Variants in ST18 observed in about 807,000 individuals in gnomAD.
ST18 encodes suppression of tumorigenicity 18 protein.
Under a neutral mutation model 110.0 loss-of-function variants are expected in ST18, and 50 were observed. That is an observed-to-expected ratio of 0.45 (90% CI 0.36 to 0.58). The LOEUF (loss-of-function observed/expected upper bound fraction) is 0.58, where lower values mean the gene tolerates loss of function less well. Ranked by LOEUF, ST18 falls within the 20% of genes least tolerant of loss-of-function variation. ST18 has a pLI of 0.00. For synonymous variants in ST18, 461 were observed against 452.4 expected (o/e 1.02, Z -0.24); for missense variants, 1,306 against 1,280.1 (o/e 1.02, Z -0.31).
At chr8:52,231,194 C>A (rs2091245415) in intron 2 of ST18, among the ~76,000 whole-genome samples, 1 of 152,148 alleles carries the variant, frequency 6.6e-6, no homozygotes, top group Non-Finnish European at 1.5e-5. Context: ...GATAATAGCT[C>A]TTTTATCTAT....
chr8:52,176,515 C>T (rs548954035), intron 9 of ST18, among the ~76,000 whole-genome samples: 2 of 152,236 alleles, frequency 1.3e-5, no homozygotes, highest in Non-Finnish European at 2.9e-5. Flanking sequence ...AGTGAGCAGA[C>T]TGTTCGCTGG....
At chr8:52,189,625 C>T (rs541171603) in intron 8 of ST18, among the ~76,000 whole-genome samples, 2 of 152,312 alleles carry the variant, frequency 1.3e-5, no homozygotes, top group East Asian at 1.9e-4. Flanking sequence ...TCCCTAGTCT[C>T]TTTTCTTAAG....
intron 2 of ST18, among the ~76,000 whole-genome samples, chr8:52,265,488 A>G (rs1459737648): frequency 2.0e-5 from 3 of 152,262 alleles, no homozygotes; most frequent in African/African-American, 2.4e-5. Context: ...AAGCTGACCA[A>G]TGAAATGACA....
At chr8:52,130,440 A>G (rs907879023) in intron 22 of ST18, among the ~76,000 whole-genome samples, 3 of 152,130 alleles carry the variant, frequency 2.0e-5, no homozygotes, top group African/African-American at 7.2e-5. Flanking sequence ...ACAGGCATGT[A>G]CCACCATCAA....
intron 24 of ST18, among the ~76,000 whole-genome samples, chr8:52,117,152 G>T (rs2042860000): frequency 6.6e-6 from 1 of 152,092 alleles, no homozygotes; most frequent in African/African-American, 2.4e-5. Context: ...CCTGTGACCT[G>T]CCCCACCCAG....
intron 2 of ST18, among the ~76,000 whole-genome samples, chr8:52,345,137 T>C (rs1055800495): frequency 6.6e-6 from 1 of 152,158 alleles, no homozygotes; most frequent in Non-Finnish European, 1.5e-5. Context: ...CTTTTAAAAA[T>C]GTTTCAAGTA....
rs1306519790 is a variant in ST18 at position 52,387,686 on chromosome 8, GT to G, written c.-465+21641del. ...GCTAGTGTTAGAAAAGTCACAAAAA[GT>G]GTACGTTCATAACAGTTACCATGAC... On this transcript the variant is annotated intron_variant, in intron 2 of 25. Coordinates refer to ENST00000689386, the MANE Select transcript of ST18 (RefSeq NM_001352837.2). Among the ~76,000 whole-genome samples, 9 of 152,176 alleles carry G rather than the reference GT, an allele frequency of 5.9e-5. 1 individual carries two copies. Among genetic ancestry groups the G allele is most frequent in the African/African-American group, 1.9e-4 (8 of 41,496 alleles).
In ST18 at chr8:52,163,938, A is replaced by C. The variant is rs530534865; in HGVS notation, c.1400+48T>G. ...TGAAGGACCAGAGGCCCCGCTGTGC[A>C]GGAGCCTGGATGAAGAGAGCACTGA... On this transcript the variant is annotated intron_variant, in intron 13 of 25. Transcript: ENST00000689386. The C allele has an allele frequency of 3.2e-5, 47 of 1,454,834 alleles. No individual in the cohort carries two copies. In the East Asian group the frequency reaches 3.7e-4, roughly 11 times the overall value. The allele number at this position is 1,454,834 out of a possible 1,614,324, so 90.1% of individuals were successfully genotyped here.
chr8:52,191,675 G>A (rs1445790011), intron 8 of ST18, among the ~76,000 whole-genome samples: 1 of 152,194 alleles, frequency 6.6e-6, no homozygotes, highest in Non-Finnish European at 1.5e-5. Flanking sequence ...ACAACTTAAG[G>A]GTGAGTCTGA....
At chr8:52,406,355 T>C (rs1478039678) in intron 2 of ST18, 2 of 152,370 alleles carry the variant, frequency 1.3e-5, no homozygotes, top group East Asian at 3.9e-4. Flanking sequence ...GTGGGTTATG[T>C]GAGAAACAAG....
intron 2 of ST18, among the ~76,000 whole-genome samples, chr8:52,325,769 GCTA>G (rs1355147229): frequency 2.6e-5 from 4 of 152,104 alleles, no homozygotes; most frequent in Admixed American, 2.0e-4. Flanking sequence ...CAGACTCTGT[GCTA>G]CTCTTTTTCT....
intron 2 of ST18, among the ~76,000 whole-genome samples, chr8:52,395,577 A>C (rs1445229288): frequency 6.6e-6 from 1 of 152,158 alleles, no homozygotes; most frequent in African/African-American, 2.4e-5. Context: ...GGTTAGAGAG[A>C]GGCCAAATTA....
At chr8:52,122,933 T>C (rs189738034) in intron 23 of ST18, among the ~76,000 whole-genome samples, 1 of 152,122 alleles carries the variant, frequency 6.6e-6, no homozygotes, top group East Asian at 1.9e-4. Context: ...TATAACTATA[T>C]TTAGGACACA....
intron 19 of ST18, among the ~76,000 whole-genome samples, chr8:52,135,570 A>T (rs1315401737): frequency 1.6e-4 from 14 of 87,974 alleles, no homozygotes; most frequent in Non-Finnish European, 2.8e-4. Flanking sequence ...CTCCATCTCA[A>T]AAAAAAAAAA....
intron 2 of ST18, among the ~76,000 whole-genome samples, chr8:52,363,877 A>AGG (rs1826776780): frequency 6.6e-6 from 1 of 152,150 alleles, no homozygotes; most frequent in African/African-American, 2.4e-5. Flanking sequence ...GTCCAGTCCT[A>AGG]ATTCTAGGTG....
chr8:52,358,991 T>C (rs1391586523), intron 2 of ST18, among the ~76,000 whole-genome samples: 1 of 151,882 alleles, frequency 6.6e-6, no homozygotes, highest in African/African-American at 2.4e-5. Flanking sequence ...AGGAACCAAA[T>C]TTATTTAATA....
chr8:52,278,676 A>C (rs1192216817), intron 2 of ST18, among the ~76,000 whole-genome samples: 1 of 152,198 alleles, frequency 6.6e-6, no homozygotes, highest in Non-Finnish European at 1.5e-5. Context: ...TTGCCCTACC[A>C]AGAGTAACTG....
intron 2 of ST18, chr8:52,406,355 T>G (rs1478039678): frequency 6.6e-6 from 1 of 152,370 alleles, no homozygotes; most frequent in Non-Finnish European, 1.5e-5. Context: ...GTGGGTTATG[T>G]GAGAAACAAG....
intron 2 of ST18, among the ~76,000 whole-genome samples, chr8:52,339,332 C>T (rs573470486): frequency 2.0e-4 from 30 of 152,310 alleles, no homozygotes; most frequent in Admixed American, 3.3e-4. Flanking sequence ...CTGACGTGTT[C>T]CTTCCCAACC....
Sources: gnomAD v4.1 joint callset for allele counts (sites outside exome capture counted in the v4.1 genomes callset) on GRCh38, gnomAD v4.1.1 for gene constraint, MANE v1.5 for transcripts, NCBI Gene and HGNC (gene_info 2026-07-23, HGNC 2026-07-21) for gene names.